CEP83: variants seen among roughly 807,000 people sequenced by gnomAD.
CEP83 encodes centrosomal protein of 83 kDa.
CEP83 carries 70 observed loss-of-function variants against 101.9 expected under a neutral mutation model. The ratio of observed to expected loss-of-function variants is 0.69; its 90% CI spans 0.57 to 0.84. CEP83 has a LOEUF of 0.84. Ranked by LOEUF, CEP83 falls within the 40% of genes least tolerant of loss-of-function variation. CEP83 has a pLI of 0.00. For missense variants in CEP83, 715 were observed against 787.2 expected (o/e 0.91, Z 1.10); for synonymous variants, 264 against 267.9 (o/e 0.99, Z 0.14).
chr12:94,410,242 A>T (rs1469371807), intron 4 of CEP83, among the ~76,000 whole-genome samples: 1 of 152,252 alleles, frequency 6.6e-6, no homozygotes, highest in Non-Finnish European at 1.5e-5. Context: ...TGGAGCCTGA[A>T]TTCAAATAAA....
intron 2 of CEP83, among the ~76,000 whole-genome samples, chr12:94,422,237 C>T (rs11833793): frequency 4.6e-5 from 7 of 152,312 alleles, no homozygotes; most frequent in Non-Finnish European, 1.0e-4. Context: ...AAACTGGACA[C>T]AGCCATAGCA....
intron 11 of CEP83, among the ~76,000 whole-genome samples, chr12:94,356,325 G>A (rs185566604): frequency 6.6e-6 from 1 of 152,320 alleles, no homozygotes; most frequent in Admixed American, 6.5e-5. Flanking sequence ...AGGTTACAGA[G>A]CATGTTTATT....
chr12:94,289,666 C>A, the CEP83 span, among the ~76,000 whole-genome samples: 1 of 152,190 alleles, frequency 6.6e-6, no homozygotes, highest in Non-Finnish European at 1.5e-5. Context: ...TTCAAAAAGG[C>A]ATTTCTGTCC....
At chr12:94,378,684 C>G (rs1469941975) in intron 7 of CEP83, 107 bp downstream of exon 7, 13 of 1,194,362 alleles carry the variant, frequency 1.1e-5, no homozygotes, top group Non-Finnish European at 1.5e-5. Context: ...ACAAATGCAT[C>G]AGCATTAGCT....
chr12:94,365,706 G>T (rs2060987001), intron 11 of CEP83, among the ~76,000 whole-genome samples: 1 of 150,980 alleles, frequency 6.6e-6, no homozygotes, highest in African/African-American at 2.4e-5. Flanking sequence ...AGAGGCGGAG[G>T]CTGCAGTGAG....
chr12:94,271,330 G>A, the CEP83 span, among the ~76,000 whole-genome samples: 1 of 152,220 alleles, frequency 6.6e-6, no homozygotes, highest in Non-Finnish European at 1.5e-5. Flanking sequence ...ATATGGTTGA[G>A]GAGACAGTGA....
the CEP83 span, chr12:94,281,983 G>GTGAGCATATACAAATT: frequency 3.3e-6 from 1 of 301,180 alleles, no homozygotes; most frequent in African/African-American, 2.2e-5. Context: ...GCACACAAGT[G>GTGAGCATATACAAATT]TGAGCATATA....
At chr12:94,437,631 C>T (rs1275890990) in intron 1 of CEP83, among the ~76,000 whole-genome samples, 1 of 152,138 alleles carries the variant, frequency 6.6e-6, no homozygotes. Flanking sequence ...TCTAGCAAAA[C>T]TAAATTTTAT....
rs776822225 is a variant in CEP83 at position 94,412,384 on chromosome 12, A to G, written c.107T>C (p.Ile36Thr). The change falls in exon 3 of 17, where the codon ATT becomes ACT. Residue 36 changes from isoleucine to threonine, a missense_variant. By Grantham distance (89) the Ile-to-Thr change is moderately conservative. Transcript: ENST00000397809. ...ATGCTCACATCGTAACCTTTCATCA[A>G]TTAACATTTTCTGGAACTCCGACTG... ...GSQSEFQKML[I>T]DERLRCEHHK... is the part of the protein sequence containing the mutation. 2.5e-6 allele frequency: 4 copies of G among 1,613,110 alleles called. No individual in the cohort carries two copies. The highest frequency in any genetic ancestry group is 2.2e-5 in the South Asian group (2 of 90,918).
At chr12:94,421,329 G>A (rs769150927) in intron 2 of CEP83, among the ~76,000 whole-genome samples, 1 of 152,010 alleles carries the variant, frequency 6.6e-6, no homozygotes, top group African/African-American at 2.4e-5. Context: ...AAAATGTTAG[G>A]ATTACAGGAA....
chr12:94,313,232 G>A, intron 14 of CEP83: 1 of 297,320 alleles, frequency 3.4e-6, no homozygotes, highest in Non-Finnish European at 6.1e-6. Flanking sequence ...AATTAATTAT[G>A]AATGCCAAAC....
the CEP83 span, among the ~76,000 whole-genome samples, chr12:94,270,246 C>G: frequency 6.6e-6 from 1 of 152,194 alleles, no homozygotes; most frequent in African/African-American, 2.4e-5. Context: ...AGCCTGTGGG[C>G]CAAATGTGGC....
At chr12:94,271,714 T>C in the CEP83 span, among the ~76,000 whole-genome samples, 2 of 152,252 alleles carry the variant, frequency 1.3e-5, no homozygotes, top group African/African-American at 2.4e-5. Context: ...TAGCCATCTT[T>C]CCTGGTGTGA....
intron 11 of CEP83, among the ~76,000 whole-genome samples, chr12:94,348,542 T>C (rs1012194518): frequency 2.6e-5 from 4 of 151,974 alleles, no homozygotes; most frequent in Admixed American, 6.6e-5. Context: ...AAAAAGTGGA[T>C]TTCATACGAC....
intron 8 of CEP83, among the ~76,000 whole-genome samples, chr12:94,372,125 C>T (rs1421623861): frequency 2.6e-5 from 4 of 152,076 alleles, no homozygotes; most frequent in African/African-American, 9.7e-5. Flanking sequence ...AGGCATGCAC[C>T]ACCACACCTG....
intron 14 of CEP83, 179 bp from the exon 15 acceptor site, chr12:94,313,196 AATCT>A: frequency 2.6e-6 from 1 of 379,148 alleles, no homozygotes; most frequent in East Asian, 4.2e-5. Context: ...ATAAACCACA[AATCT>A]ATCTAATATT....
intron 11 of CEP83, among the ~76,000 whole-genome samples, chr12:94,358,995 A>C (rs1393721182): frequency 6.6e-6 from 1 of 152,258 alleles, no homozygotes; most frequent in Non-Finnish European, 1.5e-5. Flanking sequence ...AACTGCTTAA[A>C]GGCATTCTTA....
At position 94,441,914 on chromosome 12, in the gene CEP83, CAAAAAAAAAA is replaced by C. The variant is rs370968833; in HGVS notation, c.-154-6597_-154-6588del. 9.6e-3 allele frequency among the ~76,000 whole-genome samples: 594 copies of C among 61,828 alleles called. 13 individuals are homozygous for C. Among genetic ancestry groups the C allele is most frequent in the African/African-American group, 0.034 (572 of 16,964 alleles). 40.6% of individuals were successfully genotyped at this position (61,828 alleles called of 152,430 possible). A position where few individuals can be genotyped will look rare whatever the true frequency, so the allele number is the denominator to read the frequency against. On this transcript the variant is annotated intron_variant, in intron 1 of 16. Transcript: ENST00000397809. ...TGGGCGACAGAGCGAGACTCCGTCT[CAAAAAAAAAA>C]AAAAAAAAAAAAACTAAAAGTAGAA... is the stretch of plus-strand genomic sequence containing the variant.
intron 14 of CEP83, among the ~76,000 whole-genome samples, chr12:94,318,395 C>CCTTT (rs1393570782): frequency 3.9e-5 from 6 of 152,034 alleles, no homozygotes; most frequent in East Asian, 1.9e-4. Flanking sequence ...ACTTGGATGC[C>CCTTT]CTTTATTTCT....
Sources: allele counts gnomAD v4.1 joint callset (sites outside exome capture counted in the v4.1 genomes callset), GRCh38; gene constraint gnomAD v4.1.1; transcripts MANE v1.5; gene names NCBI Gene and HGNC (gene_info 2026-07-23, HGNC 2026-07-21).